Variants in EMG1 observed in about 807,000 individuals in gnomAD.
EMG1 encodes ribosomal RNA small subunit methyltransferase NEP1.
A neutral mutation model predicts 26.9 loss-of-function variants in EMG1; 24 were observed. The ratio of observed to expected loss-of-function variants is 0.89; its 90% CI spans 0.65 to 1.26. The LOEUF (loss-of-function observed/expected upper bound fraction) is 1.26, where lower values mean the gene tolerates loss of function less well. EMG1 is among the 50% of genes most tolerant of loss of function. The pLI is 0.00. For missense variants in EMG1, 299 were observed against 307.6 expected, an observed-to-expected ratio of 0.97 and a Z score of 0.21; for synonymous variants, 140 against 112.6, an observed-to-expected ratio of 1.24 and a Z score of -1.54.
At chr12:6,974,760 G>A (rs978599596) in intron 3 of EMG1, 67 bp downstream of exon 3, 5 of 1,544,482 alleles carry the variant, frequency 3.2e-6, no homozygotes, top group Admixed American at 3.4e-5. Context: ...AGAGGAAAAG[G>A]GAGAACTAAA....
At chr12:6,975,038 C>T in intron 3 of EMG1, 52 bp from the exon 4 acceptor site, 1 of 1,558,174 alleles carries the variant, frequency 6.4e-7, no homozygotes, top group Non-Finnish European at 8.9e-7. Flanking sequence ...GATGACTGGA[C>T]AGAAGGACTG....
At chr12:6,995,892 A>G (rs1946632140) in intron 7 of EMG1, among the ~76,000 whole-genome samples, 1 of 152,150 alleles carries the variant, frequency 6.6e-6, no homozygotes, top group Admixed American at 6.6e-5. Flanking sequence ...TATTATTAAT[A>G]TATCATTATT....
chr12:6,975,462 C>T, intron 5 of EMG1, 84 bp downstream of exon 5: 1 of 1,387,858 alleles, frequency 7.2e-7, no homozygotes, highest in Non-Finnish European at 9.8e-7. Context: ...TTTAACAATG[C>T]TTACAATGAG....
chr12:6,989,017 T>C (rs987392065), downstream of EMG1, among the ~76,000 whole-genome samples: 13 of 151,580 alleles, frequency 8.6e-5, no homozygotes, highest in Non-Finnish European at 1.8e-4. Context: ...TCCCAGCTAC[T>C]CGGGAGGCTG....
downstream of EMG1, among the ~76,000 whole-genome samples, chr12:6,984,486 G>T (rs1667502173): frequency 6.6e-6 from 1 of 152,222 alleles, no homozygotes; most frequent in South Asian, 2.1e-4. Flanking sequence ...TGTGGAGGAT[G>T]GGGATCTCTC....
In EMG1 at chr12:6,972,017, G is replaced by A. The variant is rs372281027; in HGVS notation, c.168+926G>A. Reference sequence around the variant, plus strand: ...TAATTGAATAGGCCCAGAAGAAATCGCATTGGTTTAGAAGTCAGGCCAGGA... The same window carrying A: ...TAATTGAATAGGCCCAGAAGAAATCACATTGGTTTAGAAGTCAGGCCAGGA... On this transcript the variant is annotated intron_variant, in intron 1 of 5. Transcript: ENST00000599672. Among the ~76,000 whole-genome samples the A allele has an allele frequency of 4.0e-5, 6 of 151,464 alleles. No homozygotes were observed. In the South Asian group the frequency reaches 6.3e-4, roughly 16 times the overall value.
downstream of EMG1, among the ~76,000 whole-genome samples, chr12:6,992,194 G>T (rs370087281): frequency 6.6e-6 from 1 of 152,008 alleles, no homozygotes; most frequent in East Asian, 1.9e-4. Flanking sequence ...AAATTAGCCA[G>T]GTGTGGTGGT....
intron 6 of EMG1, among the ~76,000 whole-genome samples, chr12:6,985,266 G>A (rs1946511227): frequency 6.6e-6 from 1 of 151,888 alleles, no homozygotes; most frequent in South Asian, 2.1e-4. Context: ...TGTGGTGGCG[G>A]GCGCCTATAG....
rs782306088 is a variant in EMG1 at position 6,976,120 on chromosome 12, G to C, written c.*311G>C. ...GGCTTTAGCTCCCAGATTCCCATGT[G>C]CTAAAGGAGAGAACCCTGATGATGG... On this transcript the variant is annotated 3_prime_UTR_variant, in exon 6 of 6. Coordinates refer to ENST00000599672, the MANE Select transcript of EMG1 (RefSeq NM_006331.8). 3.7e-6 allele frequency: 1 copy of C among 271,406 alleles called. No homozygotes were observed. Among genetic ancestry groups the C allele is most frequent in the Admixed American group, 4.8e-5 (1 of 20,986 alleles). The allele number at this position is 271,406 out of a possible 1,614,324, so 16.8% of individuals were successfully genotyped here. A position where few individuals can be genotyped will look rare whatever the true frequency, so the allele number is the denominator to read the frequency against.
downstream of EMG1, chr12:6,981,649 C>T (rs60056851): frequency 1.6e-5 from 23 of 1,478,524 alleles, no homozygotes; most frequent in East Asian, 9.1e-5. Flanking sequence ...AGAGAGAGAA[C>T]GGATGGGTAG....
chr12:6,975,460 T>C, intron 5 of EMG1, 82 bp downstream of exon 5: 1 of 1,395,492 alleles, frequency 7.2e-7, no homozygotes. Flanking sequence ...ATTTTAACAA[T>C]GCTTACAATG....
downstream of EMG1, among the ~76,000 whole-genome samples, chr12:6,991,526 T>G (rs1946590488): frequency 6.6e-6 from 1 of 152,212 alleles, no homozygotes; most frequent in African/African-American, 2.4e-5. Context: ...CACCATTGAT[T>G]TCAGCAGAAA....
At chr12:6,986,975 G>A (rs781898101) in intron 6 of EMG1, among the ~76,000 whole-genome samples, 38 of 151,916 alleles carry the variant, frequency 2.5e-4, no homozygotes, top group Admixed American at 4.6e-4. Context: ...TTAGTTAGGC[G>A]TGGTGCAGGC....
In EMG1 at chr12:6,978,259, G is replaced by A; in HGVS notation, c.*2450G>A. On this transcript the variant is annotated 3_prime_UTR_variant, in exon 6 of 6. Coordinates refer to ENST00000599672, the MANE Select transcript of EMG1 (RefSeq NM_006331.8). ...CCAGATGGGAAAGACGCATAGGGGT[G>A]ACATGGTACACCCCTGCCCTCCAAT... 1 of 1,487,680 alleles carries A rather than the reference G, an allele frequency of 6.7e-7. No individual in the cohort carries two copies. Among genetic ancestry groups the A allele is most frequent in the Non-Finnish European group, 9.1e-7 (1 of 1,102,260 alleles). The allele number at this position is 1,487,680 out of a possible 1,614,324, so 92.2% of individuals were successfully genotyped here.
chr12:6,982,871 T>C (rs1946485106), downstream of EMG1: 1 of 807,782 alleles, frequency 1.2e-6, no homozygotes, highest in South Asian at 1.6e-5. Flanking sequence ...AAAGAAAAAA[T>C]GTTGGCATCA....
chr12:6,995,250 C>T (rs1212825786), intron 7 of EMG1, among the ~76,000 whole-genome samples: 2 of 151,848 alleles, frequency 1.3e-5, no homozygotes, highest in African/African-American at 4.8e-5. Context: ...CCAAGGCAGG[C>T]GGATCACCAG....
chr12:6,981,869 G>A (rs782036822), downstream of EMG1: 6 of 1,613,578 alleles, frequency 3.7e-6, no homozygotes, highest in Admixed American at 1.7e-5. Flanking sequence ...CGTAGTTGCC[G>A]GTGGCAGTGT....
chr12:6,992,299 C>T (rs1745272374), downstream of EMG1, among the ~76,000 whole-genome samples: 1 of 151,752 alleles, frequency 6.6e-6, no homozygotes, highest in African/African-American at 2.4e-5. Flanking sequence ...CCCCACCGCA[C>T]TCTAGCCTGG....
rs1946424427 is a variant in EMG1 at position 6,977,758 on chromosome 12, G to A, written c.*1949G>A. 1.2e-6 allele frequency: 2 copies of A among 1,613,892 alleles called. No individual in the cohort carries two copies. Among genetic ancestry groups the A allele is most frequent in the Non-Finnish European group, 1.7e-6 (2 of 1,179,972 alleles). On this transcript the variant is annotated 3_prime_UTR_variant, in exon 6 of 6. Transcript: ENST00000599672. This position sits in a 1 kb window ranked among gnomAD's most constrained non-coding sequence, Gnocchi z 4.5. ...TTTGAAGATGTAGCTGGAGAAAAGG[G>A]TGGGTGGGGCGACCCTCAAACTGAC...
Sources: gnomAD v4.1 joint callset for allele counts (sites outside exome capture counted in the v4.1 genomes callset) on GRCh38, gnomAD v4.1.1 for gene constraint, Gnocchi (gnomAD v3.1) non-coding constraint, MANE v1.5 for transcripts, NCBI Gene and HGNC (gene_info 2026-07-23, HGNC 2026-07-21) for gene names.